SYT14: variants seen among roughly 807,000 people sequenced by gnomAD.
The protein encoded by SYT14 is synaptotagmin-14.
Under a neutral mutation model 74.2 loss-of-function variants are expected in SYT14, and 32 were observed. That is an observed-to-expected ratio of 0.43 (90% confidence interval 0.33 to 0.58). The LOEUF is 0.58. SYT14 is among the 20% of genes least tolerant of loss of function. SYT14 has a pLI of 0.05. For missense variants in SYT14, 791 were observed against 981.8 expected (o/e 0.81, Z 2.60); for synonymous variants, 298 against 337.7 (o/e 0.88, Z 1.29).
At chr1:210,097,224 A>G (rs1036924450) in intron 6 of SYT14, among the ~76,000 whole-genome samples, 4 of 152,214 alleles carry the variant, frequency 2.6e-5, no homozygotes, top group African/African-American at 9.6e-5. Context: ...CAGATAGAAA[A>G]TTCTCACTTT....
At chr1:209,940,885 T>C (rs928909295) in intron 1 of SYT14, among the ~76,000 whole-genome samples, 3 of 152,222 alleles carry the variant, frequency 2.0e-5, no homozygotes, top group East Asian at 3.8e-4. Context: ...AAAACTGTTA[T>C]ACCACTCCTT....
chr1:210,021,133 C>A (rs1302396191), exon 5 of SYT14: 1 of 1,614,016 alleles, frequency 6.2e-7, no homozygotes. Context: ...CCAGAACACA[C>A]AATTCCAGAC....
exon 10 of SYT14, chr1:210,168,957 A>G (rs1453892239): frequency 1.3e-5 from 2 of 152,172 alleles, no homozygotes; most frequent in Non-Finnish European, 2.9e-5. Flanking sequence ...TGTCATTGCA[A>G]TTCTAATGGA....
Position 210,118,577 on chromosome 1 carries a change from A to G in SYT14, c.2034+18116A>G, listed in dbSNP as rs1424473842. ...ACTGCAACCTCCGCCTCCCAGTTCA[A>G]GTGATTCTCCTGCTTCAGCCTCCCA... On this transcript the variant is annotated intron_variant, in intron 7 of 9. Transcript: ENST00000637265. Among the ~76,000 whole-genome samples the G allele has an allele frequency of 4.6e-5, 7 of 152,150 alleles. No individual in the cohort carries two copies. In the East Asian group the frequency reaches 7.7e-4, roughly 17 times the overall value.
intron 5 of SYT14, among the ~76,000 whole-genome samples, chr1:210,080,985 A>T (rs2081605402): frequency 6.6e-6 from 1 of 152,168 alleles, no homozygotes; most frequent in Non-Finnish European, 1.5e-5. Flanking sequence ...TACCCAAGTA[A>T]AAAGGAGGAG....
chr1:210,108,563 G>A (rs1314629203), intron 7 of SYT14, among the ~76,000 whole-genome samples: 4 of 151,958 alleles, frequency 2.6e-5, no homozygotes, highest in Non-Finnish European at 5.9e-5. Context: ...TGAGGGTTTA[G>A]GGAGAATGTT....
chr1:210,146,378 A>G (rs2083035220), intron 7 of SYT14, among the ~76,000 whole-genome samples: 1 of 152,152 alleles, frequency 6.6e-6, no homozygotes, highest in African/African-American at 2.4e-5. Context: ...TATTTTTGCA[A>G]CTGGCCTGAA....
chr1:210,087,780 A>T (rs902068164), intron 5 of SYT14, among the ~76,000 whole-genome samples: 2 of 152,134 alleles, frequency 1.3e-5, no homozygotes, highest in Admixed American at 6.5e-5. Context: ...AGGCCCTGAG[A>T]TACCACACTG....
chr1:209,962,219 T>A (rs1185676924), intron 2 of SYT14, among the ~76,000 whole-genome samples: 1 of 149,738 alleles, frequency 6.7e-6, no homozygotes, highest in African/African-American at 2.5e-5. Context: ...TATGATTCTC[T>A]TATTTATGCC....
intron 5 of SYT14, among the ~76,000 whole-genome samples, chr1:210,031,335 T>C (rs111685068): frequency 8.5e-5 from 13 of 152,098 alleles, no homozygotes; most frequent in African/African-American, 2.9e-4. Flanking sequence ...TGCTAATGAT[T>C]TGTTTGGGAT....
intron 5 of SYT14, among the ~76,000 whole-genome samples, chr1:210,047,729 G>A (rs1382025066): frequency 6.6e-6 from 1 of 152,170 alleles, no homozygotes; most frequent in Non-Finnish European, 1.5e-5. Flanking sequence ...TATTTTCAAT[G>A]CATTTCTGAT....
At chr1:209,960,276 G>T (rs1185221381) in intron 2 of SYT14, among the ~76,000 whole-genome samples, 2 of 152,200 alleles carry the variant, frequency 1.3e-5, no homozygotes, top group East Asian at 3.9e-4. Flanking sequence ...CAGTATGAAT[G>T]GCAGTCTGTT....
rs552781623 is a variant in SYT14 at position 210,036,496 on chromosome 1, T to A, written c.1312+15242T>A. 1.6e-4 allele frequency among the ~76,000 whole-genome samples: 24 copies of A among 152,214 alleles called. No individual in the cohort carries two copies. The South Asian group carries it at 2.3e-3, about 14-fold the overall frequency. On this transcript the variant is annotated intron_variant, in intron 5 of 9. Coordinates refer to ENST00000637265, the Ensembl canonical transcript of SYT14. Reference sequence around the variant, plus strand: ...TGAATAGGAGTGGAGAAAGTGGGCATCCTTGTCTTGTTCCAGTTCTTAAGG... The same window carrying A: ...TGAATAGGAGTGGAGAAAGTGGGCAACCTTGTCTTGTTCCAGTTCTTAAGG...
intron 5 of SYT14, among the ~76,000 whole-genome samples, chr1:210,088,718 A>T (rs1266971322): frequency 1.3e-5 from 2 of 151,868 alleles, no homozygotes; most frequent in Non-Finnish European, 2.9e-5. Flanking sequence ...CATCATTCTT[A>T]TTTTTGTTAA....
At chr1:209,954,558 T>G (rs2078961815) in intron 2 of SYT14, among the ~76,000 whole-genome samples, 1 of 152,214 alleles carries the variant, frequency 6.6e-6, no homozygotes, top group African/African-American at 2.4e-5. Flanking sequence ...TTTTTGGAAT[T>G]AATGCTCTGA....
At chr1:210,127,089 T>C (rs1249442093) in intron 7 of SYT14, among the ~76,000 whole-genome samples, 1 of 152,186 alleles carries the variant, frequency 6.6e-6, no homozygotes, top group Admixed American at 6.5e-5. Context: ...ACCTAATGAA[T>C]GTATTGTGGT....
intron 5 of SYT14, among the ~76,000 whole-genome samples, chr1:210,075,830 G>A (rs1363683964): frequency 1.3e-5 from 2 of 152,100 alleles, no homozygotes; most frequent in African/African-American, 4.8e-5. Flanking sequence ...CGTATCAGTA[G>A]TTCCCTTGTA....
chr1:210,131,912 T>C (rs955291781), intron 7 of SYT14, among the ~76,000 whole-genome samples: 3 of 152,020 alleles, frequency 2.0e-5, no homozygotes, highest in South Asian at 2.1e-4. Context: ...AAGTAAAAGC[T>C]CTCCTCACCC....
intron 2 of SYT14, among the ~76,000 whole-genome samples, chr1:209,954,932 G>A (rs558536832): frequency 4.9e-4 from 74 of 152,030 alleles, no homozygotes; most frequent in Middle Eastern, 3.4e-3. Flanking sequence ...TCTCGAATTC[G>A]TGGCCTCAAG....
Sources: gnomAD v4.1 joint callset for allele counts (sites outside exome capture counted in the v4.1 genomes callset) on GRCh38, gnomAD v4.1.1 for gene constraint, MANE v1.5 for transcripts, NCBI Gene and HGNC (gene_info 2026-07-23, HGNC 2026-07-21) for gene names.